PRDM16: variants seen among roughly 807,000 people sequenced by gnomAD.
PRDM16 encodes the protein histone-lysine N-methyltransferase PRDM16.
Under a neutral mutation model 110.6 loss-of-function variants are expected in PRDM16, and 23 were observed. The observed-to-expected ratio is 0.21, with a 90% CI of 0.15 to 0.29. The LOEUF (loss-of-function observed/expected upper bound fraction) is 0.29. PRDM16 is among the 10% of genes least tolerant of loss of function. PRDM16 has a pLI of 1.00. For missense variants in PRDM16, 1,615 were observed against 1,794.3 expected, an observed-to-expected ratio of 0.90 and a Z score of 1.81; for synonymous variants, 799 against 781.8, an observed-to-expected ratio of 1.02 and a Z score of -0.37.
chr1:3,156,212 C>T (rs1460491114), intron 1 of PRDM16, among the ~76,000 whole-genome samples: 1 of 152,124 alleles, frequency 6.6e-6, no homozygotes, highest in Non-Finnish European at 1.5e-5. Context: ...CCGGGCTGCT[C>T]TGAGCAACAG....
intron 6 of PRDM16, among the ~76,000 whole-genome samples, chr1:3,404,325 G>A (rs75638413): frequency 0.025 from 3,878 of 152,322 alleles, 144 homozygotes; most frequent in African/African-American, 0.089. Context: ...AGCACTCAGA[G>A]GGGCATCCTT....
rs752170154 is a variant in PRDM16, at chr1:3,159,952, C to T, written c.38-26173C>T. Among the ~76,000 whole-genome samples the T allele has an allele frequency of 1.5e-4, 23 of 152,208 alleles. 1 individual carries two copies. The highest frequency in any genetic ancestry group is 1.2e-4 in the African/African-American group (5 of 41,440). On this transcript the variant is annotated intron_variant, in intron 1 of 16. Coordinates refer to ENST00000270722, the MANE Select transcript of PRDM16 (RefSeq NM_022114.4). ...GTATAAGCATGTCCCAAATATTTCA[C>T]GGGACATACTTACACTAAAAAAATC...
intron 2 of PRDM16, among the ~76,000 whole-genome samples, chr1:3,231,158 A>G (rs1639399949): frequency 6.6e-6 from 1 of 152,178 alleles, no homozygotes; most frequent in Non-Finnish European, 1.5e-5. Context: ...CCTCCGTCCC[A>G]TACACGTTTT....
At chr1:3,281,104 G>A (rs1360332819) in intron 3 of PRDM16, among the ~76,000 whole-genome samples, 1 of 152,230 alleles carries the variant, frequency 6.6e-6, no homozygotes, top group Non-Finnish European at 1.5e-5. Context: ...TGGGGCCATT[G>A]GCATTCTGGA....
chr1:3,381,393 T>C (rs1202406442), intron 3 of PRDM16, among the ~76,000 whole-genome samples: 1 of 151,176 alleles, frequency 6.6e-6, no homozygotes, highest in Non-Finnish European at 1.5e-5. Flanking sequence ...ACTCTTGTTT[T>C]TTTCTGGTTT....
intron 2 of PRDM16, among the ~76,000 whole-genome samples, chr1:3,234,621 G>C (rs1239598658): frequency 6.6e-6 from 1 of 152,226 alleles, no homozygotes; most frequent in Non-Finnish European, 1.5e-5. Flanking sequence ...AGGCTGGATG[G>C]CCGGGCCCCA....
rs149141706 is a variant in PRDM16 at position 3,418,489 on chromosome 1, C to G, written c.2862-178C>G. ...TACTACTGTGGCCCATGGCAGCCTG[C>G]TCTGCAACTGAGGCTGGGCTTCAGG... On this transcript the variant is annotated intron_variant, in intron 11 of 16. Coordinates refer to ENST00000270722, the MANE Select transcript of PRDM16 (RefSeq NM_022114.4). Among the ~76,000 whole-genome samples the G allele has an allele frequency of 4.2e-3, 633 of 152,316 alleles. 6 individuals carry two copies. The highest frequency in any genetic ancestry group is 0.015 in the African/African-American group (607 of 41,576).
intron 3 of PRDM16, among the ~76,000 whole-genome samples, chr1:3,285,057 G>A (rs943983868): frequency 7.2e-5 from 11 of 152,188 alleles, no homozygotes; most frequent in Admixed American, 2.0e-4. Context: ...CCTGGACGGG[G>A]TGCAAGGGAG....
intron 4 of PRDM16, among the ~76,000 whole-genome samples, chr1:3,391,087 C>T (rs931357092): frequency 2.6e-5 from 4 of 152,160 alleles, no homozygotes; most frequent in South Asian, 2.1e-4. Context: ...CTGCCCGCCT[C>T]GGCCTCCAGA....
intron 3 of PRDM16, among the ~76,000 whole-genome samples, chr1:3,272,166 T>C (rs1407568797): frequency 3.9e-5 from 6 of 152,200 alleles, no homozygotes; most frequent in Non-Finnish European, 5.9e-5. Context: ...CCAGGGCGAA[T>C]TGGCAAGGCC....
intron 1 of PRDM16, among the ~76,000 whole-genome samples, chr1:3,181,701 CACGGTCTTACA>C (rs1644199789): frequency 9.5e-6 from 1 of 105,302 alleles, no homozygotes; most frequent in Non-Finnish European, 2.1e-5. Context: ...CGGTCTTACA[CACGGTCTTACA>C]CACGCAGTCT....
chr1:3,122,096 G>C (rs1643107870), intron 1 of PRDM16, among the ~76,000 whole-genome samples: 1 of 152,172 alleles, frequency 6.6e-6, no homozygotes, highest in African/African-American at 2.4e-5. Context: ...CACGGTGTCT[G>C]TGGAGGTCAG....
intron 5 of PRDM16, among the ~76,000 whole-genome samples, chr1:3,399,108 G>A (rs1434549972): frequency 1.3e-5 from 2 of 152,258 alleles, no homozygotes; most frequent in African/African-American, 4.8e-5. Flanking sequence ...TTACAATGAA[G>A]AGGAAAGAAT....
chr1:3,217,537 G>C (rs1163297858), intron 2 of PRDM16, among the ~76,000 whole-genome samples: 1 of 152,178 alleles, frequency 6.6e-6, no homozygotes, highest in Non-Finnish European at 1.5e-5. Context: ...AGAGTGCCTG[G>C]GAGCATAAAC....
At chr1:3,287,155 C>T (rs1640863446) in intron 3 of PRDM16, among the ~76,000 whole-genome samples, 1 of 152,226 alleles carries the variant, frequency 6.6e-6, no homozygotes, top group South Asian at 2.1e-4. Context: ...GGAAGTGGGA[C>T]CTGGACGCTT....
rs545983808 is a variant in PRDM16 at position 3,409,088 on chromosome 1, C to T, written c.1187-2296C>T. ...GCGCACGTGACAGCGTGAGTGTGGG[C>T]GCGTGTCTGTGAGTGCGAGTGTGGG... On this transcript the variant is annotated intron_variant, in intron 8 of 16. Coordinates refer to ENST00000270722, the MANE Select transcript of PRDM16 (RefSeq NM_022114.4). 9.6e-5 allele frequency among the ~76,000 whole-genome samples: 14 copies of T among 145,542 alleles called. No homozygotes were observed. In the East Asian group the frequency reaches 1.9e-3, roughly 20 times the overall value.
intron 3 of PRDM16, among the ~76,000 whole-genome samples, chr1:3,320,682 C>T (rs1379626332): frequency 6.6e-6 from 1 of 152,220 alleles, no homozygotes; most frequent in African/African-American, 2.4e-5. Flanking sequence ...CTGAACCCAC[C>T]CCCTTGGCCC....
At chr1:3,219,467 G>A (rs1382903982) in intron 2 of PRDM16, among the ~76,000 whole-genome samples, 1 of 152,226 alleles carries the variant, frequency 6.6e-6, no homozygotes, top group Non-Finnish European at 1.5e-5. Flanking sequence ...TTGGAGCTGG[G>A]GCGGGGGAAG....
intron 1 of PRDM16, among the ~76,000 whole-genome samples, chr1:3,123,140 G>C (rs1022873530): frequency 6.6e-6 from 1 of 152,238 alleles, no homozygotes; most frequent in Non-Finnish European, 1.5e-5. Flanking sequence ...TCATACATGG[G>C]ACAGCAGGCC....
Sources: gnomAD v4.1 joint callset for allele counts (sites outside exome capture counted in the v4.1 genomes callset) on GRCh38, gnomAD v4.1.1 for gene constraint, MANE v1.5 for transcripts, NCBI Gene and HGNC (gene_info 2026-07-23, HGNC 2026-07-21) for gene names.